MYH16: variants seen among roughly 807,000 people sequenced by gnomAD.
MYH16 encodes the protein putative uncharacterized protein MYH16.
At chr7:99,259,821 T>C (rs556384491) in intron 11 of MYH16, among the ~76,000 whole-genome samples, 4 of 129,452 alleles carry the variant, frequency 3.1e-5, no homozygotes, top group South Asian at 2.4e-4. Context: ...TATGTATGTG[T>C]ATATATTATA....
chr7:99,285,012 T>G, intron 26 of MYH16, 77 bp downstream of exon 8: 2 of 450,576 alleles, frequency 4.4e-6, no homozygotes. Flanking sequence ...GTCAGCTACT[T>G]GGTGGCTGAG....
intron 9 of MYH16, among the ~76,000 whole-genome samples, chr7:99,255,880 T>C (rs1791865867): frequency 6.6e-6 from 1 of 152,170 alleles, no homozygotes; most frequent in Non-Finnish European, 1.5e-5. Flanking sequence ...GCCAAGTTTC[T>C]CTTTGCAGAG....
intron 11 of MYH16, among the ~76,000 whole-genome samples, chr7:99,259,762 TTATA>T (rs1215151114): frequency 4.7e-5 from 7 of 148,240 alleles, no homozygotes; most frequent in Admixed American, 3.4e-4. Context: ...TACATACATA[TTATA>T]TATACATATA....
chr7:99,258,562 G>C (rs1408457474), intron 11 of MYH16, among the ~76,000 whole-genome samples: 3 of 152,124 alleles, frequency 2.0e-5, no homozygotes. Flanking sequence ...GAAATTTCCA[G>C]CTTCATTTGT....
intron 29 of MYH16, among the ~76,000 whole-genome samples, chr7:99,288,693 TAAAATAAAATAAAATAA>T (rs1792322831): frequency 1.3e-5 from 2 of 151,502 alleles, no homozygotes; most frequent in African/African-American, 4.9e-5. Flanking sequence ...GTCTCAAAAA[TAAAATAAAATAAAATAA>T]AAAATAAAAT....
chr7:99,307,117 G>A (rs138653059), downstream of MYH16, among the ~76,000 whole-genome samples: 462 of 152,236 alleles, frequency 3.0e-3, 1 homozygote, highest in African/African-American at 9.8e-3. Context: ...ACAGAAGGGC[G>A]GTTCCCAAGT....
At chr7:99,308,167 C>T (rs186847143), downstream of MYH16, among the ~76,000 whole-genome samples, 6 of 151,818 alleles carry the variant, frequency 4.0e-5, no homozygotes, top group East Asian at 1.2e-3. Context: ...TGATGGCACA[C>T]GCCTGTAATC....
exon 41 of MYH16, chr7:99,305,853 A>G (rs1427759032): frequency 2.6e-5 from 4 of 152,882 alleles, no homozygotes; most frequent in Non-Finnish European, 5.9e-5. Context: ...AACTAGAGAC[A>G]GAGCTGGATG....
intron 7 of MYH16, chr7:99,253,091 T>A (rs1432155227): frequency 2.0e-5 from 3 of 150,810 alleles, no homozygotes; most frequent in Non-Finnish European, 4.4e-5. Context: ...CATAATAAGA[T>A]CCCATCTCTA....
downstream of MYH16, among the ~76,000 whole-genome samples, chr7:99,310,418 C>A (rs1792744173): frequency 6.6e-6 from 1 of 152,204 alleles, no homozygotes; most frequent in South Asian, 2.1e-4. Flanking sequence ...ATCACAATAG[C>A]AAAACCCCTT....
intron 6 of MYH16, among the ~76,000 whole-genome samples, chr7:99,251,939 C>T (rs1791812488): frequency 6.6e-6 from 1 of 152,192 alleles, no homozygotes; most frequent in African/African-American, 2.4e-5. Context: ...TGCCACTGCA[C>T]TCCAGCCTGG....
chr7:99,297,853 C>T, intron 35 of MYH16, 39 bp from the exon 17 acceptor site: 2 of 456,706 alleles, frequency 4.4e-6, no homozygotes, highest in Admixed American at 2.3e-5. Context: ...CACTGCACAT[C>T]TTCTTGGCCA....
exon 21 of MYH16, chr7:99,277,696 C>T (rs1467602687): frequency 2.2e-6 from 1 of 456,436 alleles, no homozygotes; most frequent in Non-Finnish European, 4.4e-6. Context: ...AATGACCTCA[C>T]CATCCAGCTG....
At chr7:99,243,985 C>A (rs1276503115) in intron 2 of MYH16, among the ~76,000 whole-genome samples, 1 of 152,018 alleles carries the variant, frequency 6.6e-6, no homozygotes, top group Non-Finnish European at 1.5e-5. Flanking sequence ...ATTCATCCAT[C>A]CATCCATCCA....
chr7:99,252,233 C>T (rs555347699), intron 6 of MYH16, among the ~76,000 whole-genome samples: 1 of 152,150 alleles, frequency 6.6e-6, no homozygotes, highest in Non-Finnish European at 1.5e-5. Flanking sequence ...ACAGAGGCAC[C>T]CAGCACCACC....
intron 39 of MYH16, among the ~76,000 whole-genome samples, 196 bp from the exon 21 acceptor site, chr7:99,304,390 C>T (rs537529966): frequency 2.0e-5 from 3 of 152,230 alleles, no homozygotes; most frequent in African/African-American, 7.2e-5. Flanking sequence ...GAGCTTGGCT[C>T]CCCCTCCCCT....
chr7:99,290,563 G>A (rs1238033309), intron 30 of MYH16, among the ~76,000 whole-genome samples: 2 of 151,706 alleles, frequency 1.3e-5, no homozygotes, highest in Non-Finnish European at 2.9e-5. Flanking sequence ...ACTTTGGGAG[G>A]CCGAGGTGGG....
In MYH16 at chr7:99,284,024, T is replaced by A. The variant is rs1792241515; in HGVS notation, n.3225+6T>A. On this transcript the variant is annotated splice_donor_region_variant and intron_variant and non_coding_transcript_variant, in intron 25 of 41. Coordinates refer to ENST00000439784, the Ensembl canonical transcript of MYH16. ...CTCGAGGAGGTGGTGAAAAAGTATG[T>A]CTTGTCGTCGTTCGTTTTGTCCATC... The A allele has an allele frequency of 6.7e-6, 3 of 445,966 alleles. No homozygotes were observed. The highest frequency in any genetic ancestry group is 1.3e-5 in the Non-Finnish European group (3 of 222,360). 27.6% of individuals were successfully genotyped at this position (445,966 alleles called of 1,614,324 possible).
intron 18 of MYH16, among the ~76,000 whole-genome samples, chr7:99,267,885 G>T (rs1000140288): frequency 6.6e-6 from 1 of 152,194 alleles, no homozygotes; most frequent in Non-Finnish European, 1.5e-5. Flanking sequence ...TTTGCAGTCA[G>T]GAGAGTCAGC....
Sources: gnomAD v4.1 joint callset for allele counts (sites outside exome capture counted in the v4.1 genomes callset) on GRCh38, gnomAD v4.1.1 for gene constraint, MANE v1.5 for transcripts, NCBI Gene and HGNC (gene_info 2026-07-23, HGNC 2026-07-21) for gene names.